The following NFAT5 variants were observed in gnomAD, a reference collection of about 807,000 sequenced individuals.
The protein encoded by NFAT5 is nuclear factor of activated T-cells 5.
Under a neutral mutation model 166.5 loss-of-function variants are expected in NFAT5, and 31 were observed. That is an observed-to-expected ratio of 0.19 (90% CI 0.14 to 0.25). NFAT5 has a LOEUF of 0.25. Ranked by LOEUF, NFAT5 falls within the 10% of genes least tolerant of loss-of-function variation. The probability of loss-of-function intolerance (pLI) is 1.00; values close to 1 mark genes in which losing one functional copy is unlikely to be tolerated. For missense variants in NFAT5, 1,449 were observed against 1,821.8 expected (o/e 0.80, Z 3.72); for synonymous variants, 612 against 639.7 (o/e 0.96, Z 0.65).
intron 7 of NFAT5, among the ~76,000 whole-genome samples, chr16:69,664,155 T>C (rs2036262021): frequency 6.6e-6 from 1 of 152,232 alleles, no homozygotes; most frequent in Non-Finnish European, 1.5e-5. Flanking sequence ...ATGTAGGCTT[T>C]ATACTCTAAA....
intron 2 of NFAT5, among the ~76,000 whole-genome samples, chr16:69,577,838 G>GA (rs2016845582): frequency 6.6e-6 from 1 of 151,796 alleles, no homozygotes; most frequent in Admixed American, 6.6e-5. Flanking sequence ...GGCAACAGAA[G>GA]AAACAGTATT....
chr16:69,619,150 C>T (rs2034088151), intron 2 of NFAT5, among the ~76,000 whole-genome samples: 1 of 152,144 alleles, frequency 6.6e-6, no homozygotes, highest in African/African-American at 2.4e-5. Context: ...TTGATTTTTA[C>T]TCTCTGACCC....
At chr16:69,677,455 G>A in intron 10 of NFAT5, 120 bp downstream of exon 10, 2 of 751,776 alleles carry the variant, frequency 2.7e-6, no homozygotes, top group Non-Finnish European at 4.0e-6. Context: ...ATTGATGTTA[G>A]TTTCTTTTGG....
intron 7 of NFAT5, among the ~76,000 whole-genome samples, chr16:69,668,713 G>C (rs1033821739): frequency 4.0e-5 from 6 of 151,410 alleles, no homozygotes; most frequent in African/African-American, 7.3e-5. Flanking sequence ...AAGTCTTGCT[G>C]TGTCACCCAG....
At chr16:69,673,405 A>G (rs1003991754) in intron 9 of NFAT5, among the ~76,000 whole-genome samples, 2 of 152,106 alleles carry the variant, frequency 1.3e-5, no homozygotes, top group Non-Finnish European at 2.9e-5. Flanking sequence ...AAGAAAACCC[A>G]CAAAGCAAAC....
Position 69,610,997 on chromosome 16 carries a change from T to C in NFAT5, c.128-15406T>C, listed in dbSNP as rs144316363. On this transcript the variant is annotated intron_variant, in intron 2 of 14. Coordinates refer to ENST00000349945, the MANE Select transcript of NFAT5 (RefSeq NM_138713.4). ...GTGAACATGTGATTTACTGTGTGTG[T>C]ACCTATGCACACGAAATGAACAAAT... Among the ~76,000 whole-genome samples, 352 of 152,342 alleles carry C rather than the reference T, an allele frequency of 2.3e-3. 3 individuals carry two copies. In the East Asian group the frequency reaches 0.032, roughly 14 times the overall value.
chr16:69,664,375 C>G (rs1235584331), intron 7 of NFAT5, among the ~76,000 whole-genome samples: 1 of 152,158 alleles, frequency 6.6e-6, no homozygotes, highest in African/African-American at 2.4e-5. Context: ...AGCTCCACCT[C>G]CGGGGTTCAC....
At chr16:69,570,431 A>G (rs374073067) in intron 2 of NFAT5, among the ~76,000 whole-genome samples, 5 of 152,142 alleles carry the variant, frequency 3.3e-5, no homozygotes, top group Non-Finnish European at 4.4e-5. Flanking sequence ...CCACAGTTTA[A>G]CCAGTATCTA....
intron 2 of NFAT5, among the ~76,000 whole-genome samples, chr16:69,586,939 T>A (rs1467401144): frequency 6.6e-6 from 1 of 152,214 alleles, no homozygotes; most frequent in African/African-American, 2.4e-5. Context: ...TCTTTGTATT[T>A]GTATTATTAG....
Position 69,566,125 on chromosome 16 carries a change from C to G in NFAT5, c.-177C>G. The G allele has an allele frequency of 1.7e-6, 1 of 576,594 alleles. No individual in the cohort carries two copies. Among genetic ancestry groups the G allele is most frequent in the Non-Finnish European group, 3.0e-6 (1 of 332,694 alleles). The allele number at this position is 576,594 out of a possible 1,614,324, so 35.7% of individuals were successfully genotyped here. ...CCCGTGGAGTTCCCCCTCCACCTCG[C>G]CATCGTTTCCTCGGTCCTCGGCCCA... On this transcript the variant is annotated 5_prime_UTR_variant, in exon 1 of 15. Transcript: ENST00000349945. The surrounding 1 kb of genome is among the most constrained non-coding windows in gnomAD (Gnocchi z 5.7).
At chr16:69,691,507 G>A (rs575233769) in intron 12 of NFAT5, among the ~76,000 whole-genome samples, 5 of 151,982 alleles carry the variant, frequency 3.3e-5, no homozygotes, top group Non-Finnish European at 5.9e-5. Context: ...ATCAATAGCC[G>A]ATTATTCTAC....
At position 69,566,482 on chromosome 16, in the gene NFAT5, G is replaced by A. The variant is rs918418919; in HGVS notation, c.73+108G>A. On this transcript the variant is annotated intron_variant, in intron 1 of 14. Coordinates refer to ENST00000349945, the MANE Select transcript of NFAT5 (RefSeq NM_138713.4). This position sits in a 1 kb window ranked among gnomAD's most constrained non-coding sequence, Gnocchi z 5.7. The stretch of plus-strand genomic sequence containing the variant: ...CCGTCCCGCCGGGGGCGGCTGAGCC[G>A]CGACCCCCATGGCTTCTTTGGCCGG... 3.0e-5 allele frequency: 29 copies of A among 951,222 alleles called. No individual in the cohort carries two copies. The highest frequency in any genetic ancestry group is 4.4e-5 in the Non-Finnish European group (27 of 612,292). The allele number at this position is 951,222 out of a possible 1,614,324, so 58.9% of individuals were successfully genotyped here. A position where few individuals can be genotyped will look rare whatever the true frequency, so the allele number is the denominator to read the frequency against.
chr16:69,585,610 A>C (rs1567519248), intron 2 of NFAT5, among the ~76,000 whole-genome samples: 1 of 152,194 alleles, frequency 6.6e-6, no homozygotes, highest in Non-Finnish European at 1.5e-5. Flanking sequence ...TAAATTCCAA[A>C]ATGTGGTATA....
At chr16:69,604,244 C>T (rs1287894154) in intron 2 of NFAT5, among the ~76,000 whole-genome samples, 3 of 152,190 alleles carry the variant, frequency 2.0e-5, no homozygotes, top group African/African-American at 7.2e-5. Flanking sequence ...ATAAATTTCT[C>T]TCTTGGTTGG....
In NFAT5 at chr16:69,566,450, G is replaced by A; in HGVS notation, c.73+76G>A. 7.7e-7 allele frequency: 1 copy of A among 1,305,148 alleles called. No homozygotes were observed. The highest frequency in any genetic ancestry group is 1.3e-5 in the South Asian group (1 of 79,150). 80.8% of individuals were successfully genotyped at this position (1,305,148 alleles called of 1,614,324 possible). On this transcript the variant is annotated intron_variant, in intron 1 of 14. Transcript: ENST00000349945. This position sits in a 1 kb window ranked among gnomAD's most constrained non-coding sequence, Gnocchi z 5.7. ...AGGGAGACAGGGCCAGGGGAGGCGAGGGGTCCCCGTCCCGCCGGGGGCGGC... is the reference window on the plus strand; with the variant it reads ...AGGGAGACAGGGCCAGGGGAGGCGAAGGGTCCCCGTCCCGCCGGGGGCGGC...
At chr16:69,587,956 T>TC (rs2032196878) in intron 2 of NFAT5, among the ~76,000 whole-genome samples, 1 of 140,776 alleles carries the variant, frequency 7.1e-6, no homozygotes, top group African/African-American at 2.6e-5. Flanking sequence ...TTTTTTTTTT[T>TC]TTTTTTTTTT....
At chr16:69,687,307 G>T (rs568997395) in intron 11 of NFAT5, among the ~76,000 whole-genome samples, 1 of 152,170 alleles carries the variant, frequency 6.6e-6, no homozygotes, top group East Asian at 1.9e-4. Flanking sequence ...TGGGCGTGGT[G>T]GTGTGTGCTT....
chr16:69,631,168 C>T (rs1345389975), intron 3 of NFAT5, among the ~76,000 whole-genome samples: 2 of 152,220 alleles, frequency 1.3e-5, no homozygotes, highest in Non-Finnish European at 2.9e-5. Context: ...TACACTGGCT[C>T]ACGCCTGTAA....
At chr16:69,591,888 C>G (rs140412226) in intron 2 of NFAT5, among the ~76,000 whole-genome samples, 3 of 151,864 alleles carry the variant, frequency 2.0e-5, no homozygotes, top group African/African-American at 7.3e-5. Flanking sequence ...TGTGATTGTG[C>G]CACTGCATTT....
Sources: allele counts gnomAD v4.1 joint callset (sites outside exome capture counted in the v4.1 genomes callset), GRCh38; gene constraint gnomAD v4.1.1; non-coding constraint Gnocchi (gnomAD v3.1); transcripts MANE v1.5; gene names NCBI Gene and HGNC (gene_info 2026-07-23, HGNC 2026-07-21).